RUBCNL: variants seen among roughly 807,000 people sequenced by gnomAD.
The protein encoded by RUBCNL is protein associated with UVRAG as autophagy enhancer.
In RUBCNL, 62 loss-of-function variants were observed where a neutral mutation model predicts 69.5. That is an observed-to-expected ratio of 0.89 (90% CI 0.73 to 1.10). RUBCNL has a LOEUF of 1.10. Ranked by LOEUF, RUBCNL falls within the 50% of genes least tolerant of loss-of-function variation. The pLI is 0.00. For synonymous variants in RUBCNL, 291 were observed against 303.6 expected (o/e 0.96, Z 0.43); for missense variants, 768 against 798.1 (o/e 0.96, Z 0.45).
chr13:46,370,606 C>T (rs1437734959), intron 3 of RUBCNL, among the ~76,000 whole-genome samples: 2 of 152,138 alleles, frequency 1.3e-5, no homozygotes, highest in Admixed American at 1.3e-4. Context: ...TGTTGGGAGT[C>T]CTTGTCTTTG....
In RUBCNL at chr13:46,335,245, G is replaced by T. The variant is rs868500569; in HGVS notation, c.*8140C>A. On this transcript the variant is annotated 3_prime_UTR_variant, in exon 15 of 15. Coordinates refer to ENST00000429979, the MANE Select transcript of RUBCNL (RefSeq NM_025113.5). The stretch of plus-strand genomic sequence containing the variant: ...GTGCCCAGCTAATTTGTGTCTTTTT[G>T]TTGTTGTTGTTGTTGTTTTTTTTTT... Among the ~76,000 whole-genome samples, 13,693 of 117,126 alleles carry T rather than the reference G, an allele frequency of 0.12. 766 individuals are homozygous for T. Among genetic ancestry groups the T allele is most frequent in the Non-Finnish European group, 0.15 (8,672 of 56,080 alleles). The allele number at this position is 117,126 out of a possible 152,430, so 76.8% of individuals were successfully genotyped here. A position where few individuals can be genotyped will look rare whatever the true frequency, so the allele number is the denominator to read the frequency against.
At chr13:46,343,963 C>T (rs1325818124) in intron 14 of RUBCNL, among the ~76,000 whole-genome samples, 1 of 152,180 alleles carries the variant, frequency 6.6e-6, no homozygotes, top group African/African-American at 2.4e-5. Context: ...TGCTGAAAGG[C>T]CACCAAACTC....
chr13:46,376,836 CA>C (rs2049005141), intron 2 of RUBCNL, among the ~76,000 whole-genome samples: 1 of 152,206 alleles, frequency 6.6e-6, no homozygotes, highest in Admixed American at 6.5e-5. Context: ...AGATATTTTA[CA>C]ACTTATCTTC....
intron 12 of RUBCNL, among the ~76,000 whole-genome samples, chr13:46,347,504 G>A (rs769672138): frequency 5.9e-5 from 9 of 152,172 alleles, no homozygotes; most frequent in Non-Finnish European, 1.0e-4. Context: ...TACAATTTTT[G>A]AAGACCATGG....
chr13:46,364,375 C>T (rs557632603), intron 5 of RUBCNL, among the ~76,000 whole-genome samples: 9 of 150,402 alleles, frequency 6.0e-5, no homozygotes, highest in Non-Finnish European at 1.3e-4. Context: ...CCAGCCTAGG[C>T]AACACAGACA....
rs542277038 is a variant in RUBCNL, at chr13:46,362,481, C to T, written c.986+57G>A. On this transcript the variant is annotated intron_variant, in intron 7 of 14. Coordinates refer to ENST00000429979, the MANE Select transcript of RUBCNL (RefSeq NM_025113.5). ...GAATGTCAGAGGCCTAGGTTTCACA[C>T]TGCCTCAGAGGTGACAGCCCAAGGG... is the stretch of plus-strand genomic sequence containing the variant. 21 of 1,176,194 alleles carry T rather than the reference C, an allele frequency of 1.8e-5. No homozygotes were observed. The African/African-American group carries it at 2.0e-4, about 11-fold the overall frequency. The allele number at this position is 1,176,194 out of a possible 1,614,324, so 72.9% of individuals were successfully genotyped here.
chr13:46,380,373 G>A (rs1449825304), intron 1 of RUBCNL, among the ~76,000 whole-genome samples: 1 of 152,210 alleles, frequency 6.6e-6, no homozygotes, highest in Non-Finnish European at 1.5e-5. Flanking sequence ...ATTATGCCAA[G>A]TTGAGAACTG....
intron 2 of RUBCNL, 147 bp from the exon 3 acceptor site, chr13:46,372,744 G>GA (rs1288041929): frequency 7.4e-6 from 4 of 539,578 alleles, no homozygotes; most frequent in African/African-American, 5.6e-5. Context: ...ATTTATAAGT[G>GA]AAAAAATAAA....
In RUBCNL at chr13:46,341,433, T is replaced by C. The variant is rs924044431; in HGVS notation, c.*1952A>G. Among the ~76,000 whole-genome samples, 2 of 152,196 alleles carry C rather than the reference T, an allele frequency of 1.3e-5. No individual in the cohort carries two copies. The highest frequency in any genetic ancestry group is 6.5e-5 in the Admixed American group (1 of 15,274). ...CTGGGAAGAAGCCTCTATTATCACA[T>C]TGGAGAGGAACAAAGTCTCAGACAA... On this transcript the variant is annotated 3_prime_UTR_variant, in exon 15 of 15. Transcript: ENST00000429979.
chr13:46,379,528 G>T (rs924334729), intron 1 of RUBCNL, among the ~76,000 whole-genome samples: 1 of 152,098 alleles, frequency 6.6e-6, no homozygotes, highest in Admixed American at 6.5e-5. Context: ...TGGTTATGTT[G>T]TTTATTTCCT....
rs764458781 is a variant in RUBCNL, at chr13:46,335,260, G to GTTTTTTT, written c.*8118_*8124dup. 9.8e-6 allele frequency among the ~76,000 whole-genome samples: 1 copy of GTTTTTTT among 101,880 alleles called. No homozygotes were observed. Among genetic ancestry groups the GTTTTTTT allele is most frequent in the African/African-American group, 4.3e-5 (1 of 23,498 alleles). 66.8% of individuals were successfully genotyped at this position (101,880 alleles called of 152,430 possible). ...GTGTCTTTTTGTTGTTGTTGTTGTT[G>GTTTTTTT]TTTTTTTTTTTTTTTTTTTTTTTTT... On this transcript the variant is annotated 3_prime_UTR_variant, in exon 15 of 15. Transcript: ENST00000429979.
chr13:46,373,567 T>C (rs929000322), intron 2 of RUBCNL, among the ~76,000 whole-genome samples: 4 of 152,226 alleles, frequency 2.6e-5, no homozygotes, highest in African/African-American at 9.6e-5. Flanking sequence ...CAAGAAGCAC[T>C]CTTGTCACTG....
chr13:46,346,490 G>A (rs1189384648), intron 12 of RUBCNL, among the ~76,000 whole-genome samples: 3 of 152,144 alleles, frequency 2.0e-5, no homozygotes, highest in Non-Finnish European at 4.4e-5. Context: ...GTCCAGCAGT[G>A]ATCGGTTGGT....
At chr13:46,389,459 A>T (rs1388784277), upstream of RUBCNL, among the ~76,000 whole-genome samples, 1 of 152,248 alleles carries the variant, frequency 6.6e-6, no homozygotes, top group Non-Finnish European at 1.5e-5. The surrounding 1 kb of genome is among the most constrained non-coding windows in gnomAD (Gnocchi z 4.2). Context: ...ATGCCAGGTA[A>T]ATCAGTGAGT....
intron 8 of RUBCNL, 69 bp from the exon 9 acceptor site, chr13:46,359,700 T>C: frequency 7.5e-7 from 1 of 1,337,116 alleles, no homozygotes; most frequent in Non-Finnish European, 1.0e-6. Context: ...TAAAGAAACA[T>C]CTAAATGTAT....
At chr13:46,359,292 A>G (rs757935298) in intron 9 of RUBCNL, among the ~76,000 whole-genome samples, 194 bp downstream of exon 9, 77 of 152,070 alleles carry the variant, frequency 5.1e-4, no homozygotes, top group Non-Finnish European at 8.7e-4. Flanking sequence ...GAGCCCCCAA[A>G]AGTCCATGGT....
In RUBCNL at chr13:46,366,864, G is replaced by C. The variant is rs375283472; in HGVS notation, c.826+1178C>G. On this transcript the variant is annotated intron_variant, in intron 5 of 14. Transcript: ENST00000429979. ...AAAATGAAGCATTTTAAGTCACCCA[G>C]AAATGAAGTATTAAGTCACAGGTCC... 2.2e-3 allele frequency among the ~76,000 whole-genome samples: 337 copies of C among 152,288 alleles called. 4 individuals are homozygous for C. The highest frequency in any genetic ancestry group is 0.012 in the South Asian group (56 of 4,824).
chr13:46,343,296 A>G lies in RUBCNL; in HGVS notation c.*89T>C. The G allele has an allele frequency of 6.5e-7, 1 of 1,546,910 alleles. No individual in the cohort carries two copies. The highest frequency in any genetic ancestry group is 2.4e-5 in the East Asian group (1 of 41,234). On this transcript the variant is annotated 3_prime_UTR_variant, in exon 15 of 15. Transcript: ENST00000429979. The stretch of plus-strand genomic sequence containing the variant: ...TCTTTTTCCTTAATATACAATACCC[A>G]ATATCTAAAACAATGTCACCAATAA...
intron 10 of RUBCNL, among the ~76,000 whole-genome samples, chr13:46,354,611 A>C (rs2048442898): frequency 6.6e-6 from 1 of 152,166 alleles, no homozygotes. Flanking sequence ...CCCTTTGCAC[A>C]TGACGAACAC....
Sources: gnomAD v4.1 joint callset for allele counts (sites outside exome capture counted in the v4.1 genomes callset) on GRCh38, gnomAD v4.1.1 for gene constraint, Gnocchi (gnomAD v3.1) non-coding constraint, MANE v1.5 for transcripts, NCBI Gene and HGNC (gene_info 2026-07-23, HGNC 2026-07-21) for gene names.